The following TXLNB variants were observed in gnomAD, a reference collection of about 807,000 sequenced individuals.
TXLNB encodes the protein beta-taxilin.
A neutral mutation model predicts 57.4 loss-of-function variants in TXLNB; 37 were observed. That is an observed-to-expected ratio of 0.64 (90% CI 0.50 to 0.85). The LOEUF (loss-of-function observed/expected upper bound fraction) is 0.85, where lower values mean the gene tolerates loss of function less well. Ranked by LOEUF, TXLNB falls within the 40% of genes least tolerant of loss-of-function variation. TXLNB has a pLI of 0.00. For synonymous variants in TXLNB, 302 were observed against 309.6 expected, an observed-to-expected ratio of 0.98 and a Z score of 0.26; for missense variants, 848 against 825.6, an observed-to-expected ratio of 1.03 and a Z score of -0.33.
intron 3 of TXLNB, chr6:139,271,272 A>T (rs1776755618): frequency 6.6e-6 from 1 of 152,364 alleles, no homozygotes; most frequent in Non-Finnish European, 1.5e-5. Context: ...ATGAATAGCA[A>T]ATATCTGTAA....
At chr6:139,307,179 AC>A in the TXLNB span, among the ~76,000 whole-genome samples, 4 of 152,190 alleles carry the variant, frequency 2.6e-5, no homozygotes, top group Admixed American at 6.5e-5. Flanking sequence ...CTAGTTCTCA[AC>A]AAATGATTGG....
chr6:139,323,776 G>A, the TXLNB span, among the ~76,000 whole-genome samples: 1 of 152,030 alleles, frequency 6.6e-6, no homozygotes, highest in African/African-American at 2.4e-5. Context: ...GTTTTTCCGG[G>A]GCCCTAGTTT....
At chr6:139,243,546 CCATACCCTGTT>C (rs1776003576) in intron 9 of TXLNB, among the ~76,000 whole-genome samples, 1 of 146,238 alleles carries the variant, frequency 6.8e-6, no homozygotes, top group Non-Finnish European at 1.5e-5. Flanking sequence ...TCTTTAATCA[CCATACCCTGTT>C]CATTGGGAAA....
the TXLNB span, among the ~76,000 whole-genome samples, chr6:139,196,359 G>A: frequency 1.6e-5 from 2 of 128,246 alleles, no homozygotes; most frequent in Non-Finnish European, 3.2e-5. Context: ...TGTATCTCCA[G>A]ATCTGGTTTT....
intron 3 of TXLNB, among the ~76,000 whole-genome samples, chr6:139,273,628 C>A (rs1231694386): frequency 2.0e-5 from 3 of 152,050 alleles, no homozygotes; most frequent in African/African-American, 7.2e-5. Context: ...CCATGCCCAG[C>A]TAATTTTTTT....
At chr6:139,244,763 T>A in intron 8 of TXLNB, 73 bp from the exon 9 acceptor site, 1 of 1,003,490 alleles carries the variant, frequency 1.0e-6, no homozygotes, top group Non-Finnish European at 1.6e-6. Context: ...GCTCCATATG[T>A]GAGACCAGGA....
Position 139,240,416 on chromosome 6 carries a change from T to C in TXLNB, c.*2110A>G, listed in dbSNP as rs1489288906. ...TCTGTGAAAGTCTTTTGGATGAAAATAATGAACTTTGGGTTTTAGAATATT... is the reference window on the plus strand; with the variant it reads ...TCTGTGAAAGTCTTTTGGATGAAAACAATGAACTTTGGGTTTTAGAATATT... On this transcript the variant is annotated 3_prime_UTR_variant, in exon 10 of 10. Coordinates refer to ENST00000358430, the MANE Select transcript of TXLNB (RefSeq NM_153235.4). The C allele has an allele frequency of 1.3e-5, 2 of 152,648 alleles. No individual in the cohort carries two copies. The highest frequency in any genetic ancestry group is 2.9e-5 in the Non-Finnish European group (2 of 68,034). 9.5% of individuals were successfully genotyped at this position (152,648 alleles called of 1,614,324 possible).
the TXLNB span, among the ~76,000 whole-genome samples, chr6:139,213,450 T>C: frequency 1.3e-5 from 2 of 151,904 alleles, no homozygotes; most frequent in East Asian, 1.9e-4. Context: ...ACACAACATA[T>C]CAAAATCTCT....
At chr6:139,201,076 C>T in the TXLNB span, among the ~76,000 whole-genome samples, 7 of 152,318 alleles carry the variant, frequency 4.6e-5, no homozygotes, top group African/African-American at 1.7e-4. Context: ...CTTCCTCATT[C>T]ACAGGAGATA....
At chr6:139,295,634 A>C (rs11965394), upstream of TXLNB, among the ~76,000 whole-genome samples, 1 of 151,924 alleles carries the variant, frequency 6.6e-6, no homozygotes, top group Non-Finnish European at 1.5e-5. Context: ...TTTATTTACA[A>C]CTCACCAATT....
chr6:139,267,950 A>G (rs1562281307), intron 4 of TXLNB, among the ~76,000 whole-genome samples: 1 of 152,112 alleles, frequency 6.6e-6, no homozygotes, highest in Non-Finnish European at 1.5e-5. Flanking sequence ...CAGGAGTTCA[A>G]GGCCAACCTG....
At chr6:139,160,444 CTGTTT>C in the TXLNB span, among the ~76,000 whole-genome samples, 1 of 152,134 alleles carries the variant, frequency 6.6e-6, no homozygotes, top group Non-Finnish European at 1.5e-5. Context: ...GACTGCTGTT[CTGTTT>C]TTAGTTTGGA....
At chr6:139,206,287 A>G in the TXLNB span, among the ~76,000 whole-genome samples, 1 of 152,222 alleles carries the variant, frequency 6.6e-6, no homozygotes, top group African/African-American at 2.4e-5. Context: ...CAAGGTATTT[A>G]GGCAACAACT....
intron 2 of TXLNB, among the ~76,000 whole-genome samples, chr6:139,284,373 C>G (rs1183695813): frequency 7.0e-6 from 1 of 143,750 alleles, no homozygotes; most frequent in African/African-American, 2.6e-5. Context: ...ACTAAAAATA[C>G]AAAAATTAGC....
At chr6:139,302,338 A>G in the TXLNB span, among the ~76,000 whole-genome samples, 1 of 149,908 alleles carries the variant, frequency 6.7e-6, no homozygotes, top group Non-Finnish European at 1.5e-5. Flanking sequence ...AAAAAAAAGG[A>G]GCTGTTTTAA....
At chr6:139,210,817 G>T in the TXLNB span, among the ~76,000 whole-genome samples, 1 of 152,240 alleles carries the variant, frequency 6.6e-6, no homozygotes, top group African/African-American at 2.4e-5. Context: ...TTAGCAAACG[G>T]CACACCAGGA....
the TXLNB span, among the ~76,000 whole-genome samples, chr6:139,221,513 C>T: frequency 8.6e-5 from 13 of 151,694 alleles, no homozygotes; most frequent in Admixed American, 6.6e-4. Flanking sequence ...GCCCTGCATT[C>T]GAACAAAAAA....
At position 139,290,351 on chromosome 6, in the gene TXLNB, GC is replaced by G. The variant is rs566567410; in HGVS notation, c.-14-1439del. Reference sequence around the variant, plus strand: ...GCCAAGATCGTGCCACTGCACTCCAGCCTGGGTGACAGAGCAAGACTTCGTC... The same window carrying G: ...GCCAAGATCGTGCCACTGCACTCCAGCTGGGTGACAGAGCAAGACTTCGTC... On this transcript the variant is annotated intron_variant, in intron 1 of 9. Coordinates refer to ENST00000358430, the MANE Select transcript of TXLNB (RefSeq NM_153235.4). Among the ~76,000 whole-genome samples, 4 of 152,324 alleles carry G rather than the reference GC, an allele frequency of 2.6e-5. No individual in the cohort carries two copies. In the East Asian group the frequency reaches 7.7e-4, roughly 29 times the overall value.
In TXLNB at chr6:139,240,925, T is replaced by C. The variant is rs954017451; in HGVS notation, c.*1601A>G. 6 of 152,234 alleles carry C rather than the reference T, an allele frequency of 3.9e-5. No homozygotes were observed. Among genetic ancestry groups the C allele is most frequent in the Non-Finnish European group, 7.3e-5 (5 of 68,042 alleles). The allele number at this position is 152,234 out of a possible 1,614,324, so 9.4% of individuals were successfully genotyped here. ...GTTTCTATCCATTTTTCTACTTGAGTTCAACTTTCAAGATAGGGTTGGGTT... is the reference window on the plus strand; with the variant it reads ...GTTTCTATCCATTTTTCTACTTGAGCTCAACTTTCAAGATAGGGTTGGGTT... On this transcript the variant is annotated 3_prime_UTR_variant, in exon 10 of 10. Transcript: ENST00000358430.
Sources: gnomAD v4.1 joint callset for allele counts (sites outside exome capture counted in the v4.1 genomes callset) on GRCh38, gnomAD v4.1.1 for gene constraint, MANE v1.5 for transcripts, NCBI Gene and HGNC (gene_info 2026-07-23, HGNC 2026-07-21) for gene names.